The following BBOF1 variants were observed in gnomAD, a reference collection of about 807,000 sequenced individuals.
The protein encoded by BBOF1 is basal body orientation factor 1.
A neutral mutation model predicts 68.0 loss-of-function variants in BBOF1; 62 were observed. The ratio of observed to expected loss-of-function variants is 0.91; its 90% confidence interval spans 0.74 to 1.13. The LOEUF is 1.13. Among genes scored for constraint, BBOF1 ranks in the 50% most tolerant of loss-of-function variants. The pLI is 0.00. For missense variants in BBOF1, 534 were observed against 600.1 expected, an observed-to-expected ratio of 0.89 and a Z score of 1.15; for synonymous variants, 208 against 198.8, an observed-to-expected ratio of 1.05 and a Z score of -0.39.
rs766859646 is a variant in BBOF1 at position 74,023,019 on chromosome 14, C to T, written c.160C>T (p.Arg54Cys). Residue 54 changes from arginine (R) to cysteine (C), a missense_variant, in exon 2 of 12, where the codon CGT becomes TGT. Coordinates refer to ENST00000394009, the MANE Select transcript of BBOF1 (RefSeq NM_025057.3). ...CACAGAACTCTCTAGGATTAAGTAT[C>T]GTGATACTTCACGGATACTGGCAAA... ...EVTELSRIKY[R>C]DTSRILAKSN... The T allele has an allele frequency of 3.1e-6, 5 of 1,611,754 alleles. No homozygotes were observed. In the East Asian group the frequency reaches 6.7e-5, roughly 22 times the overall value.
chr14:74,056,237 G>T (rs1027945779), intron 9 of BBOF1, among the ~76,000 whole-genome samples: 5 of 130,408 alleles, frequency 3.8e-5, no homozygotes, highest in Admixed American at 1.8e-4. Context: ...GTCTCATTCT[G>T]TTGCCCAGGC....
In BBOF1 at chr14:74,056,958, A is replaced by G; in HGVS notation, c.1441A>G (p.Ser481Gly). ...PPVPDYVVSDSGETKEFGDES... is the reference protein window; with the variant it reads ...PPVPDYVVSDGGETKEFGDES... ...AGTTCCAGACTATGTTGTTTCTGAC[A>G]GTGGGGAAACAAAGGAATTTGGGTA... Residue 481 changes from serine (S) to glycine (G), a missense_variant, in exon 10 of 12, where the codon AGT becomes GGT. Ser to Gly is a moderately conservative substitution (Grantham distance 56). Transcript: ENST00000394009. The G allele has an allele frequency of 3.1e-6, 5 of 1,613,734 alleles. No individual in the cohort carries two copies. Among genetic ancestry groups the G allele is most frequent in the Non-Finnish European group, 4.2e-6 (5 of 1,179,756 alleles).
At chr14:74,039,830 C>T (rs116330091) in intron 4 of BBOF1, among the ~76,000 whole-genome samples, 1 of 151,996 alleles carries the variant, frequency 6.6e-6, no homozygotes, top group Non-Finnish European at 1.5e-5. Flanking sequence ...TGCCTACTTA[C>T]CTTTTGAAAG....
chr14:74,040,418 G>T, intron 4 of BBOF1, 147 bp from the exon 5 acceptor site: 1 of 582,092 alleles, frequency 1.7e-6, no homozygotes, highest in East Asian at 3.0e-5. Context: ...GTACTCGGAG[G>T]CAGGAACACA....
At chr14:74,041,465 T>G (rs545185355) in intron 5 of BBOF1, among the ~76,000 whole-genome samples, 192 of 152,310 alleles carry the variant, frequency 1.3e-3, no homozygotes, top group African/African-American at 4.4e-3. Context: ...TTCTTTAACT[T>G]TTTATTCTTA....
chr14:74,079,428 TG>T (rs1372642093), intron 10 of BBOF1, among the ~76,000 whole-genome samples: 36 of 135,820 alleles, frequency 2.7e-4, no homozygotes, highest in African/African-American at 9.1e-4. Context: ...TTTTTCTTAT[TG>T]TTTTTTTTTT....
intron 4 of BBOF1, 48 bp from the exon 5 acceptor site, chr14:74,040,517 C>A: frequency 8.6e-7 from 1 of 1,159,344 alleles, no homozygotes; most frequent in Non-Finnish European, 1.2e-6. Context: ...GCTCAATGAC[C>A]CCCATTTTCT....
At chr14:74,066,378 AT>A (rs1045426854), downstream of BBOF1, among the ~76,000 whole-genome samples, 5 of 152,074 alleles carry the variant, frequency 3.3e-5, 1 homozygote, top group South Asian at 4.1e-4. Flanking sequence ...CATAAATAAC[AT>A]TTTTTTTGGA....
downstream of BBOF1, chr14:74,067,428 ACTT>A: frequency 6.2e-7 from 1 of 1,614,072 alleles, no homozygotes. Context: ...TCTGGCAGCC[ACTT>A]CTTGGCTTCT....
At chr14:74,074,486 C>T (rs989744621) in intron 9 of BBOF1, among the ~76,000 whole-genome samples, 2 of 150,016 alleles carry the variant, frequency 1.3e-5, no homozygotes, top group African/African-American at 2.5e-5. Context: ...GTGGTTTCCC[C>T]ATGTTGGCCA....
intron 2 of BBOF1, among the ~76,000 whole-genome samples, chr14:74,025,532 T>C (rs2059403940): frequency 6.6e-6 from 1 of 152,208 alleles, no homozygotes; most frequent in South Asian, 2.1e-4. Context: ...TGAAAACTAT[T>C]TTATTATGAA....
intron 8 of BBOF1, among the ~76,000 whole-genome samples, chr14:74,052,864 A>G (rs1309020993): frequency 6.6e-6 from 1 of 151,408 alleles, no homozygotes; most frequent in African/African-American, 2.4e-5. Flanking sequence ...GCCTGGCATG[A>G]TGGTGTGCAT....
At chr14:74,078,314 C>T (rs2060635312) in exon 10 of BBOF1, 1 of 453,458 alleles carries the variant, frequency 2.2e-6, no homozygotes, top group Non-Finnish European at 4.4e-6. Flanking sequence ...GTGACCGAGA[C>T]AGTGGTGCAC....
intron 3 of BBOF1, among the ~76,000 whole-genome samples, chr14:74,033,146 T>C (rs946012197): frequency 6.6e-6 from 1 of 152,240 alleles, no homozygotes; most frequent in African/African-American, 2.4e-5. Flanking sequence ...AAAAGGTGTG[T>C]TAGGTCTTCT....
chr14:74,029,356 G>T lies in BBOF1; in HGVS notation c.351+107G>T, dbSNP rs994012053. ...AGTGAGTGAGTAAGTTCTCTGGGCA[G>T]GCTAATGACCTTAAAGCTTGATTGT... On this transcript the variant is annotated intron_variant, in intron 3 of 11. Coordinates refer to ENST00000394009, the MANE Select transcript of BBOF1 (RefSeq NM_025057.3). The T allele has an allele frequency of 4.0e-5, 27 of 678,734 alleles. No individual in the cohort carries two copies. The African/African-American group carries it at 4.4e-4, about 11-fold the overall frequency. The allele number at this position is 678,734 out of a possible 1,614,324, so 42.0% of individuals were successfully genotyped here.
rs2059279384 is a variant in BBOF1 at position 74,021,042 on chromosome 14, G to C, written c.56+1508G>C. Among the ~76,000 whole-genome samples the C allele has an allele frequency of 2.6e-5, 4 of 152,158 alleles. No homozygotes were observed. In the South Asian group the frequency reaches 8.3e-4, roughly 32 times the overall value. On this transcript the variant is annotated intron_variant, in intron 1 of 11. Coordinates refer to ENST00000394009, the MANE Select transcript of BBOF1 (RefSeq NM_025057.3). ...ACTGAGAACCAGAGGTAGGAAAGTGGATGTGGAGGGTGGCAGTATAGAAAG... is the reference window on the plus strand; with the variant it reads ...ACTGAGAACCAGAGGTAGGAAAGTGCATGTGGAGGGTGGCAGTATAGAAAG...
At chr14:74,048,188 C>CCAGACAGATGAAAA in intron 7 of BBOF1, 114 bp downstream of exon 7, 1 of 985,004 alleles carries the variant, frequency 1.0e-6, no homozygotes, top group Non-Finnish European at 1.5e-6. Flanking sequence ...CCATTTTCAT[C>CCAGACAGATGAAAA]TGTCTGGATG....
At chr14:74,055,493 A>G (rs1369675769) in intron 8 of BBOF1, 91 bp from the exon 9 acceptor site, 1 of 835,884 alleles carries the variant, frequency 1.2e-6, no homozygotes, top group Non-Finnish European at 2.0e-6. Context: ...AATTTATCCT[A>G]TGTTTACCCA....
chr14:74,060,471 C>A, intron 11 of BBOF1: 1 of 650,238 alleles, frequency 1.5e-6, no homozygotes, highest in East Asian at 2.8e-5. Flanking sequence ...TTCATTGTTA[C>A]ACTAGGCAGT....
Sources: allele counts gnomAD v4.1 joint callset (sites outside exome capture counted in the v4.1 genomes callset), GRCh38; gene constraint gnomAD v4.1.1; transcripts MANE v1.5; gene names NCBI Gene and HGNC (gene_info 2026-07-23, HGNC 2026-07-21).